BTBD9: variants seen among roughly 807,000 people sequenced by gnomAD.
BTBD9 encodes the protein BTB domain containing 9, also known as BTB/POZ domain-containing protein 9.
Under a neutral mutation model 64.3 loss-of-function variants are expected in BTBD9, and 49 were observed. The ratio of observed to expected loss-of-function variants is 0.76; its 90% CI spans 0.61 to 0.97. BTBD9 has a LOEUF of 0.97. Ranked by LOEUF, BTBD9 falls within the 50% of genes least tolerant of loss-of-function variation. BTBD9 has a pLI of 0.00. For synonymous variants in BTBD9, 260 were observed against 274.7 expected (o/e 0.95, Z 0.53); for missense variants, 598 against 762.1 (o/e 0.78, Z 2.53).
intron 6 of BTBD9, among the ~76,000 whole-genome samples, chr6:38,491,158 T>C (rs1317878821): frequency 6.6e-6 from 1 of 152,146 alleles, no homozygotes; most frequent in African/African-American, 2.4e-5. Context: ...AACTCAAGCA[T>C]AGGAGAAGAA....
At chr6:38,255,190 T>C (rs1764533960) in intron 9 of BTBD9, among the ~76,000 whole-genome samples, 1 of 152,216 alleles carries the variant, frequency 6.6e-6, no homozygotes, top group South Asian at 2.1e-4. Flanking sequence ...TCCATTTATA[T>C]GAAATGTCCA....
In BTBD9 at chr6:38,354,215, A is replaced by C. The variant is rs569066891; in HGVS notation, c.1155-9122T>G. Reference sequence around the variant, plus strand: ...ACCAAGAGAGTGATAAAGAGAGCACAGGGAGTGAGGAAATCACAAATCCTT... The same window carrying C: ...ACCAAGAGAGTGATAAAGAGAGCACCGGGAGTGAGGAAATCACAAATCCTT... On this transcript the variant is annotated intron_variant, in intron 6 of 10. Transcript: ENST00000481247. Among the ~76,000 whole-genome samples the C allele has an allele frequency of 1.2e-4, 19 of 152,322 alleles. No individual in the cohort carries two copies. In the East Asian group the frequency reaches 3.7e-3, roughly 29 times the overall value.
At chr6:38,585,117 G>A (rs1315303009) in intron 4 of BTBD9, among the ~76,000 whole-genome samples, 3 of 151,520 alleles carry the variant, frequency 2.0e-5, no homozygotes, top group East Asian at 1.9e-4. Context: ...CAGCCCTCCC[G>A]AGCTCACCAT....
intron 6 of BTBD9, among the ~76,000 whole-genome samples, chr6:38,391,211 A>C (rs1294412873): frequency 6.6e-6 from 1 of 152,206 alleles, no homozygotes; most frequent in African/African-American, 2.4e-5. Flanking sequence ...TTACTCTCAA[A>C]GGTTTTACAT....
chr6:38,237,030 C>T (rs1437161782), intron 9 of BTBD9, among the ~76,000 whole-genome samples: 2 of 152,242 alleles, frequency 1.3e-5, no homozygotes, highest in Non-Finnish European at 2.9e-5. Context: ...TTTCCTACAC[C>T]TCACTGCTCA....
chr6:38,394,827 G>A lies in BTBD9; in HGVS notation c.1155-49734C>T, dbSNP rs369038033. On this transcript the variant is annotated intron_variant, in intron 6 of 10. Transcript: ENST00000481247. Reference sequence around the variant, plus strand: ...GTCAACTTTCCAACCATGCAAATGGGCCACCTTGAAAAATGAATCTCTCAA... The same window carrying A: ...GTCAACTTTCCAACCATGCAAATGGACCACCTTGAAAAATGAATCTCTCAA... Among the ~76,000 whole-genome samples, 18 of 152,274 alleles carry A rather than the reference G, an allele frequency of 1.2e-4. No homozygotes were observed. The South Asian group carries it at 3.7e-3, about 32-fold the overall frequency.
chr6:38,187,770 C>G (rs574366668), intron 10 of BTBD9, among the ~76,000 whole-genome samples: 4 of 152,236 alleles, frequency 2.6e-5, no homozygotes, highest in Non-Finnish European at 5.9e-5. Flanking sequence ...TGACAGAAGT[C>G]ATAAACATAG....
At chr6:38,564,817 G>A (rs573410616) in intron 6 of BTBD9, among the ~76,000 whole-genome samples, 13 of 152,158 alleles carry the variant, frequency 8.5e-5, no homozygotes, top group African/African-American at 3.1e-4. Context: ...GCATGAACCC[G>A]GGAGGCAGAG....
chr6:38,419,928 A>T (rs1767831243), intron 6 of BTBD9, among the ~76,000 whole-genome samples: 1 of 152,194 alleles, frequency 6.6e-6, no homozygotes. Flanking sequence ...TGGTATTCAA[A>T]GCAATCTTCC....
At chr6:38,488,726 TC>T (rs1471378270) in intron 6 of BTBD9, among the ~76,000 whole-genome samples, 2 of 152,168 alleles carry the variant, frequency 1.3e-5, no homozygotes, top group African/African-American at 4.8e-5. Context: ...AATTAATGTT[TC>T]TTTTTTTATA....
At chr6:38,439,454 T>C (rs1181617001) in intron 6 of BTBD9, among the ~76,000 whole-genome samples, 2 of 149,882 alleles carry the variant, frequency 1.3e-5, no homozygotes, top group African/African-American at 2.5e-5. Context: ...TTTGACAGAG[T>C]CACACTCTGT....
intron 6 of BTBD9, among the ~76,000 whole-genome samples, chr6:38,374,309 A>ATATATATACG (rs1765580171): frequency 1.9e-5 from 2 of 105,676 alleles, no homozygotes; most frequent in Non-Finnish European, 3.7e-5. Context: ...ATATATATGT[A>ATATATATACG]TATATATATA....
chr6:38,603,425 A>T (rs1246030822), intron 1 of BTBD9, among the ~76,000 whole-genome samples: 1 of 152,244 alleles, frequency 6.6e-6, no homozygotes, highest in African/African-American at 2.4e-5. Flanking sequence ...CATTTGTTCT[A>T]ACCAAAATAA....
chr6:38,217,910 C>G (rs1763066321), intron 9 of BTBD9, among the ~76,000 whole-genome samples: 1 of 152,088 alleles, frequency 6.6e-6, no homozygotes, highest in Non-Finnish European at 1.5e-5. Context: ...AGGCCTTACC[C>G]TGCTGCTGCT....
At chr6:38,596,963 C>T (rs1222744793) in intron 2 of BTBD9, among the ~76,000 whole-genome samples, 12 of 152,146 alleles carry the variant, frequency 7.9e-5, no homozygotes, top group Admixed American at 7.2e-4. Flanking sequence ...CAGAGTTGAC[C>T]ACTAGGAAGA....
intron 6 of BTBD9, among the ~76,000 whole-genome samples, chr6:38,456,234 T>C (rs1769800455): frequency 6.6e-6 from 1 of 152,336 alleles, no homozygotes; most frequent in East Asian, 1.9e-4. Context: ...GTGATCCACC[T>C]GCCTCAGCCT....
chr6:38,330,326 T>A (rs1303968876), intron 7 of BTBD9, among the ~76,000 whole-genome samples: 1 of 152,224 alleles, frequency 6.6e-6, no homozygotes, highest in Non-Finnish European at 1.5e-5. Context: ...GTGCTGTGAT[T>A]ACAGGTGTGA....
At chr6:38,633,533 T>C (rs79208341) in intron 1 of BTBD9, among the ~76,000 whole-genome samples, 12,958 of 152,146 alleles carry the variant, frequency 0.085, 686 homozygotes, top group Middle Eastern at 0.18. Context: ...ATCAAGAAAA[T>C]AGGGACACAG....
At chr6:38,204,848 C>A (rs1762579455) in intron 9 of BTBD9, among the ~76,000 whole-genome samples, 1 of 151,832 alleles carries the variant, frequency 6.6e-6, no homozygotes, top group Admixed American at 6.6e-5. Flanking sequence ...AAAAAAAAAC[C>A]CTAAATTATC....
Sources: gnomAD v4.1 joint callset for allele counts (sites outside exome capture counted in the v4.1 genomes callset) on GRCh38, gnomAD v4.1.1 for gene constraint, MANE v1.5 for transcripts, NCBI Gene and HGNC (gene_info 2026-07-23, HGNC 2026-07-21) for gene names.